VPS54: variants seen among roughly 807,000 people sequenced by gnomAD.
VPS54 encodes the protein vacuolar protein sorting-associated protein 54.
A neutral mutation model predicts 121.5 loss-of-function variants in VPS54; 45 were observed. The ratio of observed to expected loss-of-function variants is 0.37; its 90% CI spans 0.29 to 0.47. The LOEUF (loss-of-function observed/expected upper bound fraction) is 0.47. Among genes scored for constraint, VPS54 ranks in the 20% least tolerant of loss-of-function variants. The pLI, the probability that VPS54 is intolerant of heterozygous loss-of-function variation, is 0.99. For missense variants in VPS54, 1,090 were observed against 1,131.4 expected (o/e 0.96, Z 0.52); for synonymous variants, 371 against 385.8 (o/e 0.96, Z 0.45).
In VPS54 at chr2:63,893,190, G is replaced by C; in HGVS notation, c.*240C>G. 2 of 550,660 alleles carry C rather than the reference G, an allele frequency of 3.6e-6. No individual in the cohort carries two copies. Among genetic ancestry groups the C allele is most frequent in the Non-Finnish European group, 6.6e-6 (2 of 304,558 alleles). The allele number at this position is 550,660 out of a possible 1,614,324, so 34.1% of individuals were successfully genotyped here. On this transcript the variant is annotated 3_prime_UTR_variant, in exon 23 of 23. Transcript: ENST00000272322. Reference sequence around the variant, plus strand: ...AGAAACCTGAGTCTGTTTCCAGAGAGAATGAAAAATGTTATAGACACCTGA... The same window carrying C: ...AGAAACCTGAGTCTGTTTCCAGAGACAATGAAAAATGTTATAGACACCTGA...
chr2:64,015,258 A>T (rs1345599615), intron 1 of VPS54, among the ~76,000 whole-genome samples: 1 of 152,176 alleles, frequency 6.6e-6, no homozygotes, highest in East Asian at 1.9e-4. Context: ...TTAGAAAAAA[A>T]GGGGTTCTTT....
intron 1 of VPS54, among the ~76,000 whole-genome samples, chr2:64,012,450 CT>C (rs1168532041): frequency 3.1e-5 from 3 of 95,734 alleles, no homozygotes; most frequent in African/African-American, 1.4e-4. Context: ...CAAAAAGTAA[CT>C]GTTTAAAAAA....
chr2:63,918,099 C>T (rs1282023702), intron 15 of VPS54, among the ~76,000 whole-genome samples: 2 of 151,942 alleles, frequency 1.3e-5, no homozygotes, highest in Non-Finnish European at 2.9e-5. Flanking sequence ...GGATCCTTAA[C>T]TTGAAAAGAA....
intron 15 of VPS54, 54 bp from the exon 16 acceptor site, chr2:63,917,017 GA>G: frequency 6.3e-7 from 1 of 1,576,044 alleles, no homozygotes; most frequent in East Asian, 2.2e-5. Context: ...AAACAAAATA[GA>G]GAAAAAGCTG....
At chr2:63,921,602 A>C (rs770080036) in intron 12 of VPS54, among the ~76,000 whole-genome samples, 2 of 152,124 alleles carry the variant, frequency 1.3e-5, no homozygotes, top group Non-Finnish European at 2.9e-5. Flanking sequence ...TTCAGAGCTT[A>C]CTGAAACCTC....
At chr2:63,954,801 T>C (rs1314984898) in intron 7 of VPS54, among the ~76,000 whole-genome samples, 4 of 152,130 alleles carry the variant, frequency 2.6e-5, no homozygotes, top group Admixed American at 1.3e-4. Flanking sequence ...ATGCTAAACA[T>C]GGAAACATAG....
chr2:64,008,677 A>T (rs1017833765), intron 1 of VPS54, among the ~76,000 whole-genome samples: 3 of 152,086 alleles, frequency 2.0e-5, no homozygotes, highest in African/African-American at 7.2e-5. Context: ...TGTGAGTGGG[A>T]GGAGGAGTGG....
intron 4 of VPS54, among the ~76,000 whole-genome samples, chr2:63,970,313 A>ATATATAGATATATATAAATATAAAT (rs1312969372): frequency 6.7e-6 from 1 of 148,292 alleles, no homozygotes. Flanking sequence ...AGATATAGAT[A>ATATATAGATATATATAAATATAAAT]AAACCCAGGC....
intron 20 of VPS54, 77 bp from the exon 21 acceptor site, chr2:63,899,658 T>TA: frequency 8.4e-7 from 1 of 1,191,190 alleles, no homozygotes; most frequent in Non-Finnish European, 1.2e-6. Flanking sequence ...CTGAGACATA[T>TA]ATTTACTGTC....
intron 1 of VPS54, among the ~76,000 whole-genome samples, chr2:64,011,153 A>T (rs890027986): frequency 6.6e-6 from 1 of 152,240 alleles, no homozygotes; most frequent in Non-Finnish European, 1.5e-5. Context: ...CTTTATCAGG[A>T]AGAAAAATCA....
rs1442843448 is a variant in VPS54 at position 63,919,939 on chromosome 2, T to A, written c.2108A>T (p.Asp703Val). 2 of 1,612,308 alleles carry A rather than the reference T, an allele frequency of 1.2e-6. No homozygotes were observed. The highest frequency in any genetic ancestry group is 3.3e-5 in the Admixed American group (2 of 59,916). ...KQADVPAEFQ[D>V]LVDSLSDGKI... is the part of the protein sequence containing the mutation. ...CCCATCTGACAGAGAATCAACAAGA[T>A]CCTGAAATTCTGCAGGAACATCTGC... Residue 703 changes from aspartate (D) to valine (V), a missense_variant, in exon 15 of 23, where the codon GAT becomes GTT. By Grantham distance (152) the Asp-to-Val change is radical (BLOSUM62 -3). Coordinates refer to ENST00000272322, the MANE Select transcript of VPS54 (RefSeq NM_016516.3).
chr2:63,994,611 T>C (rs970039540), intron 1 of VPS54, among the ~76,000 whole-genome samples: 1 of 152,230 alleles, frequency 6.6e-6, no homozygotes, highest in Non-Finnish European at 1.5e-5. Flanking sequence ...AACTCAAGTC[T>C]GGGCTGCTTA....
intron 20 of VPS54, among the ~76,000 whole-genome samples, chr2:63,907,544 AG>A (rs1466279132): frequency 6.6e-6 from 1 of 151,648 alleles, no homozygotes; most frequent in Non-Finnish European, 1.5e-5. Flanking sequence ...AGAAAAGAAA[AG>A]ATTTCTCAGG....
At chr2:63,952,407 A>T (rs941490523) in intron 7 of VPS54, among the ~76,000 whole-genome samples, 1 of 152,208 alleles carries the variant, frequency 6.6e-6, no homozygotes, top group African/African-American at 2.4e-5. Flanking sequence ...AAAACATTTA[A>T]ATTTTATATT....
At chr2:63,902,343 T>C (rs1235485108) in intron 20 of VPS54, among the ~76,000 whole-genome samples, 1 of 152,144 alleles carries the variant, frequency 6.6e-6, no homozygotes, top group African/African-American at 2.4e-5. Context: ...CACAAGGTAG[T>C]AGCAGCCTAC....
intron 12 of VPS54, among the ~76,000 whole-genome samples, chr2:63,931,368 G>A (rs1175680158): frequency 6.6e-6 from 1 of 152,160 alleles, no homozygotes; most frequent in African/African-American, 2.4e-5. Context: ...ACAACCATCT[G>A]ATCTTTGACA....
intron 20 of VPS54, among the ~76,000 whole-genome samples, chr2:63,907,239 C>T (rs1336671102): frequency 1.3e-5 from 2 of 152,050 alleles, no homozygotes; most frequent in African/African-American, 4.8e-5. Context: ...GATTTCTTGG[C>T]CGGACGCAGT....
At chr2:63,919,735 C>G (rs1304500187) in intron 15 of VPS54, 148 bp downstream of exon 15, 1 of 510,540 alleles carries the variant, frequency 2.0e-6, no homozygotes, top group Non-Finnish European at 3.4e-6. Context: ...TATAAATTAC[C>G]ATAGTTTTCC....
Position 63,892,548 on chromosome 2 carries a change from C to G in VPS54, c.*882G>C, listed in dbSNP as rs796274678. Reference sequence around the variant, plus strand: ...AAGGGGGCCATACTTCATATGTTATCTAAATGTTAATATGAGAACTCAAAA... The same window carrying G: ...AAGGGGGCCATACTTCATATGTTATGTAAATGTTAATATGAGAACTCAAAA... On this transcript the variant is annotated 3_prime_UTR_variant, in exon 23 of 23. Transcript: ENST00000272322. 6.6e-6 allele frequency: 1 copy of G among 152,504 alleles called. No homozygotes were observed. Among genetic ancestry groups the G allele is most frequent in the Non-Finnish European group, 1.5e-5 (1 of 68,028 alleles). The allele number at this position is 152,504 out of a possible 1,614,324, so 9.4% of individuals were successfully genotyped here.
Sources: allele counts gnomAD v4.1 joint callset (sites outside exome capture counted in the v4.1 genomes callset), GRCh38; gene constraint gnomAD v4.1.1; transcripts MANE v1.5; gene names NCBI Gene and HGNC (gene_info 2026-07-23, HGNC 2026-07-21).